Variants in FGF1 observed in about 807,000 individuals in gnomAD.
FGF1 encodes beta-endothelial cell growth factor.
Under a neutral mutation model 13.4 loss-of-function variants are expected in FGF1, and 9 were observed. That is an observed-to-expected ratio of 0.67 (90% CI 0.40 to 1.17). FGF1 has a LOEUF of 1.17. Ranked by LOEUF, FGF1 falls within the 50% of genes most tolerant of loss-of-function variation. The pLI, the probability that FGF1 is intolerant of heterozygous loss-of-function variation, is 0.01. For synonymous variants in FGF1, 93 were observed against 79.0 expected (o/e 1.18, Z -0.94); for missense variants, 156 against 192.7 (o/e 0.81, Z 1.13).
intron 2 of FGF1, among the ~76,000 whole-genome samples, chr5:142,693,295 T>C (rs982593434): frequency 2.6e-5 from 4 of 152,076 alleles, no homozygotes; most frequent in African/African-American, 7.2e-5. Flanking sequence ...TTTATTTTTA[T>C]TTTTTTATTT....
chr5:142,608,577 TATATATAC>T (rs1287738228), intron 2 of FGF1, among the ~76,000 whole-genome samples: 1,062 of 84,996 alleles, frequency 0.012, 9 homozygotes, highest in East Asian at 0.076. Context: ...TATATATATA[TATATATAC>T]ACACACACAC....
chr5:142,652,117 C>T (rs1767377408), intron 1 of FGF1, among the ~76,000 whole-genome samples: 1 of 152,090 alleles, frequency 6.6e-6, no homozygotes, highest in Non-Finnish European at 1.5e-5. Flanking sequence ...TAAATAATTG[C>T]TCAGGGCCAC....
chr5:142,619,154 T>C (rs1352450053), intron 1 of FGF1, among the ~76,000 whole-genome samples: 1 of 151,966 alleles, frequency 6.6e-6, no homozygotes, highest in Non-Finnish European at 1.5e-5. Flanking sequence ...CAAGATGGTC[T>C]CGATCTCCTG....
Position 142,604,728 on chromosome 5 carries a change from G to A in FGF1, c.170-3923C>T, listed in dbSNP as rs10477187. On this transcript the variant is annotated intron_variant, in intron 2 of 3. Transcript: ENST00000337706. ...GGTGAAGAGCTGAAGTTTGGTGAGA[G>A]TGTGTTTTATGCAATGTTATACTTC... 2.9e-3 allele frequency among the ~76,000 whole-genome samples: 439 copies of A among 152,280 alleles called. 1 individual carries two copies. The highest frequency in any genetic ancestry group is 0.01 in the African/African-American group (417 of 41,522).
At chr5:142,666,548 A>G (rs1468580940) in intron 1 of FGF1, among the ~76,000 whole-genome samples, 1 of 151,982 alleles carries the variant, frequency 6.6e-6, no homozygotes. Flanking sequence ...CCCCACAAAA[A>G]AAACCGTAGC....
chr5:142,675,637 C>T (rs1046729097), intron 1 of FGF1, among the ~76,000 whole-genome samples: 5 of 152,166 alleles, frequency 3.3e-5, no homozygotes, highest in East Asian at 1.9e-4. Flanking sequence ...ACCGTCCGTC[C>T]GCTGAGACAG....
rs74924769 is a variant in FGF1 at position 142,626,444 on chromosome 5, G to A, written c.-34-12283C>T. ...CACCAACCTAAAACGTGTTGGAGCT[G>A]AGATCTGAAGGTAGGGTTTGCTGAC... On this transcript the variant is annotated intron_variant, in intron 1 of 3. Transcript: ENST00000337706. 3.7e-4 allele frequency among the ~76,000 whole-genome samples: 56 copies of A among 152,292 alleles called. No individual in the cohort carries two copies. In the East Asian group the frequency reaches 7.0e-3, roughly 19 times the overall value.
intron 3 of FGF1, among the ~76,000 whole-genome samples, chr5:142,598,258 C>G (rs2151816046): frequency 6.6e-6 from 1 of 152,226 alleles, no homozygotes; most frequent in African/African-American, 2.4e-5. Flanking sequence ...CACCTGATGT[C>G]TCTATTATAC....
chr5:142,613,296 A>C (rs936793616), intron 2 of FGF1, among the ~76,000 whole-genome samples: 19 of 152,194 alleles, frequency 1.2e-4, no homozygotes, highest in Non-Finnish European at 2.6e-4. Flanking sequence ...TCATACCTTC[A>C]TTTGTCAACA....
intron 1 of FGF1, among the ~76,000 whole-genome samples, chr5:142,639,502 G>A (rs1764808214): frequency 6.6e-6 from 1 of 151,980 alleles, no homozygotes; most frequent in Non-Finnish European, 1.5e-5. Context: ...TCACTTATAT[G>A]TGGAATCTAA....
Position 142,611,990 on chromosome 5 carries a change from C to T in FGF1, c.169+1969G>A, listed in dbSNP as rs192932916. Among the ~76,000 whole-genome samples, 9 of 152,336 alleles carry T rather than the reference C, an allele frequency of 5.9e-5. No individual in the cohort carries two copies. In the East Asian group the frequency reaches 1.7e-3, roughly 29 times the overall value. On this transcript the variant is annotated intron_variant, in intron 2 of 3. Transcript: ENST00000337706. ...GTGCCAAGAACTCTCACTATATTAT[C>T]TCATTTAACCCTCCCAAGAAACCTG...
At chr5:142,596,369 C>G (rs1180436478) in intron 3 of FGF1, among the ~76,000 whole-genome samples, 1 of 149,422 alleles carries the variant, frequency 6.7e-6, no homozygotes, top group Non-Finnish European at 1.5e-5. Context: ...CTTTGGGAGG[C>G]TGAGGCAGGA....
rs1752484706 is a variant in FGF1, at chr5:142,693,018, A to C, written c.-35+4604T>G. Among the ~76,000 whole-genome samples, 3 of 152,204 alleles carry C rather than the reference A, an allele frequency of 2.0e-5. No individual in the cohort carries two copies. The South Asian group carries it at 6.2e-4, about 31-fold the overall frequency. On this transcript the variant is annotated intron_variant, in intron 2 of 4. Coordinates refer to the FGF1 transcript ENST00000407758. ...GATTTAAAACCCAGAAGTGAAAATA[A>C]AGTAGTGAGACTGATTCTAAAAAAT...
In FGF1 at chr5:142,676,143, G is replaced by A. The variant is rs535905859; in HGVS notation, c.-35+9814C>T. Among the ~76,000 whole-genome samples the A allele has an allele frequency of 1.8e-4, 28 of 152,214 alleles. 1 individual carries two copies. In the South Asian group the frequency reaches 5.6e-3, roughly 31 times the overall value. ...ATCTTCCCCTGGAAGAAAAAAGGCC[G>A]ACAAAGGAACAGCAGGGAAACAGGT... On this transcript the variant is annotated intron_variant, in intron 1 of 3. Coordinates refer to ENST00000337706, the MANE Select transcript of FGF1 (RefSeq NM_000800.5).
At chr5:142,672,918 C>T (rs1490366378) in intron 1 of FGF1, among the ~76,000 whole-genome samples, 2 of 152,208 alleles carry the variant, frequency 1.3e-5, no homozygotes, top group Non-Finnish European at 2.9e-5. Context: ...CGTGAGACTT[C>T]ACATCACTTC....
At chr5:142,654,798 G>C (rs1485663395) in intron 1 of FGF1, among the ~76,000 whole-genome samples, 1 of 152,242 alleles carries the variant, frequency 6.6e-6, no homozygotes, top group Non-Finnish European at 1.5e-5. Flanking sequence ...TGCCTGGCGA[G>C]TGGGCCCCAG....
chr5:142,635,101 G>T (rs1454642736), intron 1 of FGF1, among the ~76,000 whole-genome samples: 1 of 152,104 alleles, frequency 6.6e-6, no homozygotes, highest in Non-Finnish European at 1.5e-5. Flanking sequence ...CACTATAATG[G>T]TTGATACTAG....
intron 2 of FGF1, among the ~76,000 whole-genome samples, chr5:142,611,355 C>T (rs1401670667): frequency 6.6e-6 from 1 of 152,160 alleles, no homozygotes; most frequent in Non-Finnish European, 1.5e-5. Flanking sequence ...GCACACTGGG[C>T]AATGCTGCCA....
intron 1 of FGF1, among the ~76,000 whole-genome samples, chr5:142,629,919 A>G (rs1763091121): frequency 7.2e-6 from 1 of 138,362 alleles, no homozygotes; most frequent in African/African-American, 2.7e-5. Context: ...TTTGAGATAG[A>G]GTCTCGCTCT....
Sources: gnomAD v4.1 joint callset for allele counts (sites outside exome capture counted in the v4.1 genomes callset) on GRCh38, gnomAD v4.1.1 for gene constraint, MANE v1.5 for transcripts, NCBI Gene and HGNC (gene_info 2026-07-23, HGNC 2026-07-21) for gene names.